Variants in RGL1 observed in about 807,000 individuals in gnomAD.
RGL1 encodes ral guanine nucleotide dissociation stimulator-like 1.
RGL1 carries 24 observed loss-of-function variants against 95.2 expected under a neutral mutation model. The observed-to-expected ratio is 0.25, with a 90% CI of 0.18 to 0.35. The LOEUF (loss-of-function observed/expected upper bound fraction) is 0.35, where lower values mean the gene tolerates loss of function less well. RGL1 is among the 10% of genes least tolerant of loss of function. The pLI is 1.00. For missense variants in RGL1, 715 were observed against 936.3 expected, an observed-to-expected ratio of 0.76 and a Z score of 3.08; for synonymous variants, 329 against 344.9, an observed-to-expected ratio of 0.95 and a Z score of 0.51.
Position 183,902,617 on chromosome 1 carries a change from G to T in RGL1, c.1350+17G>T, listed in dbSNP as rs979319977. 1 of 1,607,456 alleles carries T rather than the reference G, an allele frequency of 6.2e-7. No homozygotes were observed. Among genetic ancestry groups the T allele is most frequent in the African/African-American group, 1.3e-5 (1 of 74,448 alleles). ...AGGAGAAGGGTAAGTAGAGTTGTTG[G>T]CTGTGTTTCCTTTGTCTGAGCATGA... On this transcript the variant is annotated intron_variant, in intron 12 of 17. Coordinates refer to ENST00000360851, the MANE Select transcript of RGL1 (RefSeq NM_001297671.3).
rs560172502 is a variant in RGL1 at position 183,922,108 on chromosome 1, C to T, written c.2005-114C>T. ...TGGTCCAGTTCCAATTCCACGAGTC[C>T]GTTCTTTCTGGAAAGGCATCACAAC... On this transcript the variant is annotated intron_variant, in intron 16 of 17. Transcript: ENST00000360851. 4.2e-5 allele frequency: 34 copies of T among 819,050 alleles called. 1 individual carries two copies. The highest frequency in any genetic ancestry group is 2.3e-4 in the South Asian group (14 of 61,828). The allele number at this position is 819,050 out of a possible 1,614,324, so 50.7% of individuals were successfully genotyped here.
chr1:183,860,738 A>G (rs1665461405), intron 3 of RGL1, among the ~76,000 whole-genome samples: 1 of 152,144 alleles, frequency 6.6e-6, no homozygotes, highest in Admixed American at 6.5e-5. Context: ...GACTTAGTAT[A>G]TATTAACTAA....
intron 1 of RGL1, chr1:183,647,576 A>G: frequency 6.8e-7 from 1 of 1,473,824 alleles, no homozygotes; most frequent in Non-Finnish European, 9.0e-7. Context: ...GCATCAGTTT[A>G]TCTCCATCTT....
chr1:183,782,166 G>A (rs769524661), intron 2 of RGL1, among the ~76,000 whole-genome samples: 5 of 152,152 alleles, frequency 3.3e-5, no homozygotes, highest in Non-Finnish European at 7.3e-5. Context: ...ATGGCACTCT[G>A]TCCCCAGATA....
intron 2 of RGL1, among the ~76,000 whole-genome samples, chr1:183,827,880 T>G (rs1662983720): frequency 6.6e-6 from 1 of 152,238 alleles, no homozygotes; most frequent in Non-Finnish European, 1.5e-5. Context: ...GACAAAGCAG[T>G]ATGGAGTTAT....
upstream of RGL1, among the ~76,000 whole-genome samples, chr1:183,800,368 T>A (rs905307061): frequency 3.9e-5 from 6 of 152,186 alleles, no homozygotes; most frequent in African/African-American, 1.4e-4. Flanking sequence ...ATCTATTGGC[T>A]CTGGTAAAAC....
intron 1 of RGL1, among the ~76,000 whole-genome samples, chr1:183,650,292 C>CCA (rs1289238836): frequency 6.6e-6 from 1 of 152,016 alleles, no homozygotes; most frequent in African/African-American, 2.4e-5. Flanking sequence ...GCCTATAATC[C>CCA]CAGCACTTTG....
intron 1 of RGL1, among the ~76,000 whole-genome samples, chr1:183,698,172 C>T (rs995714601): frequency 1.3e-5 from 2 of 152,198 alleles, no homozygotes; most frequent in Non-Finnish European, 2.9e-5. Context: ...TAAAATAGGC[C>T]AAATCCTGGC....
At chr1:183,874,646 G>C (rs1427935421) in intron 4 of RGL1, among the ~76,000 whole-genome samples, 1 of 151,940 alleles carries the variant, frequency 6.6e-6, no homozygotes, top group East Asian at 1.9e-4. Context: ...TCTCCTCCTA[G>C]TATTTGAATC....
chr1:183,872,325 A>C (rs896352148), intron 4 of RGL1, among the ~76,000 whole-genome samples: 2 of 152,206 alleles, frequency 1.3e-5, no homozygotes, highest in African/African-American at 4.8e-5. Context: ...CTCTCTCTAT[A>C]TATAACTTTA....
chr1:183,804,614 GA>G (rs1661167115), upstream of RGL1, among the ~76,000 whole-genome samples: 1 of 152,186 alleles, frequency 6.6e-6, no homozygotes, highest in Non-Finnish European at 1.5e-5. Flanking sequence ...TTGGGGTGGT[GA>G]AAAGCCCAGC....
At chr1:183,725,168 C>T (rs1392867923) in intron 1 of RGL1, among the ~76,000 whole-genome samples, 2 of 152,152 alleles carry the variant, frequency 1.3e-5, no homozygotes, top group African/African-American at 4.8e-5. Context: ...CGAGGTGTCC[C>T]CCTAATGCAG....
chr1:183,882,603 T>G (rs1433074963), intron 5 of RGL1, among the ~76,000 whole-genome samples: 1 of 152,204 alleles, frequency 6.6e-6, no homozygotes, highest in African/African-American at 2.4e-5. Context: ...AGTGATCCCC[T>G]TCTACGTTTT....
intron 2 of RGL1, among the ~76,000 whole-genome samples, chr1:183,770,636 A>G (rs1288745103): frequency 2.0e-5 from 3 of 152,196 alleles, no homozygotes; most frequent in Non-Finnish European, 4.4e-5. Flanking sequence ...CATATGTGGG[A>G]AAACAGGAAT....
chr1:183,811,242 C>T (rs1179866362), intron 2 of RGL1, among the ~76,000 whole-genome samples: 4 of 152,100 alleles, frequency 2.6e-5, no homozygotes, highest in African/African-American at 9.7e-5. Flanking sequence ...TTCCCCAGTG[C>T]CTTTTAAAAC....
intron 2 of RGL1, among the ~76,000 whole-genome samples, chr1:183,841,760 GT>G: frequency 6.6e-6 from 1 of 152,196 alleles, no homozygotes. Flanking sequence ...AATTTATGCA[GT>G]TGAGTAATAT....
intron 2 of RGL1, among the ~76,000 whole-genome samples, chr1:183,840,708 T>C (rs1663996479): frequency 1.6e-5 from 1 of 62,452 alleles, no homozygotes; most frequent in Admixed American, 2.0e-4. Context: ...AAAAAATAAA[T>C]AAATAAATAA....
chr1:183,903,794 A>G (rs963143234), intron 12 of RGL1, among the ~76,000 whole-genome samples: 2 of 152,240 alleles, frequency 1.3e-5, no homozygotes, highest in African/African-American at 4.8e-5. Flanking sequence ...CCAAAAAGGC[A>G]TAGAGGAGCT....
intron 1 of RGL1, among the ~76,000 whole-genome samples, chr1:183,682,876 G>C (rs1653316890): frequency 6.6e-6 from 1 of 152,114 alleles, no homozygotes; most frequent in African/African-American, 2.4e-5. Context: ...TATATATTTA[G>C]GATAGTTAGC....
Sources: gnomAD v4.1 joint callset for allele counts (sites outside exome capture counted in the v4.1 genomes callset) on GRCh38, gnomAD v4.1.1 for gene constraint, MANE v1.5 for transcripts, NCBI Gene and HGNC (gene_info 2026-07-23, HGNC 2026-07-21) for gene names.